The following SGSH variants were observed in gnomAD, a reference collection of about 807,000 sequenced individuals.
SGSH encodes N-sulfoglucosamine sulfohydrolase, also known as heparan sulfate sulfatase.
SGSH carries 48 observed loss-of-function variants against 51.0 expected under a neutral mutation model. The observed-to-expected ratio is 0.94, with a 90% CI of 0.75 to 1.20. The LOEUF (loss-of-function observed/expected upper bound fraction) is 1.20, where lower values mean the gene tolerates loss of function less well. SGSH is among the 50% of genes most tolerant of loss of function. The pLI is 0.00. For synonymous variants in SGSH, 321 were observed against 313.4 expected (o/e 1.02, Z -0.26); for missense variants, 662 against 717.8 (o/e 0.92, Z 0.89).
downstream of SGSH, chr17:80,209,051 G>C (rs1315026337): frequency 6.5e-6 from 1 of 153,144 alleles, no homozygotes; most frequent in South Asian, 2.1e-4. Context: ...CAGTACCCCC[G>C]TACAAGGCCC....
downstream of SGSH, chr17:80,203,990 TGGA>T (rs2041134004): frequency 2.0e-6 from 2 of 992,076 alleles, no homozygotes; most frequent in African/African-American, 1.6e-5. This position sits in a 1 kb window ranked among gnomAD's most constrained non-coding sequence, Gnocchi z 4.6. Context: ...GGCTGCTGAT[TGGA>T]GGGTAACCCC....
rs1052938582 is a variant in SGSH at position 80,220,283 on chromosome 17, G to A, written c.31C>T (p.Leu11=). The change falls in exon 1 of 8, where the codon CTG becomes TTG. Residue 11 remains leucine (L), a synonymous_variant. Transcript: ENST00000326317. The part of the protein sequence containing the change: MSCPVPACCA[L]LLVLGLCRAR... ...CGGCAGAGCCCCAGGACTAGCAGCA[G>A]CGCGCAGCAGGCGGGCACGGGGCAG... 4 of 1,519,804 alleles carry A rather than the reference G, an allele frequency of 2.6e-6. No individual in the cohort carries two copies. 94.1% of individuals were successfully genotyped at this position (1,519,804 alleles called of 1,614,324 possible).
chr17:80,214,571 G>C, intron 4 of SGSH, 44 bp downstream of exon 4: 1 of 1,591,626 alleles, frequency 6.3e-7, no homozygotes, highest in Non-Finnish European at 8.6e-7. Flanking sequence ...GCTGTGCTCT[G>C]GTACCGGCCG....
chr17:80,215,356 G>C (rs1204639069), intron 2 of SGSH, among the ~76,000 whole-genome samples: 1 of 152,372 alleles, frequency 6.6e-6, no homozygotes, highest in East Asian at 1.9e-4. Flanking sequence ...CAGAAAGAAG[G>C]GGACCTGCAG....
At chr17:80,214,543 CCCG>C in intron 4 of SGSH, 69 bp downstream of exon 4, 6 of 1,516,684 alleles carry the variant, frequency 4.0e-6, no homozygotes, top group Non-Finnish European at 5.4e-6. Flanking sequence ...GCCCATGCAT[CCCG>C]CCGGAAGACT....
At chr17:80,203,649 C>A (rs2041112319), downstream of SGSH, 7 of 546,002 alleles carry the variant, frequency 1.3e-5, no homozygotes, top group South Asian at 2.6e-5. This position sits in a 1 kb window ranked among gnomAD's most constrained non-coding sequence, Gnocchi z 4.6. Context: ...TGGAGACTGG[C>A]ATGGCCGCCA....
intron 5 of SGSH, 100 bp downstream of exon 5, chr17:80,214,072 T>A (rs1287015827): frequency 1.4e-6 from 2 of 1,475,730 alleles, no homozygotes; most frequent in South Asian, 1.2e-5. Flanking sequence ...TCAGAGCCTC[T>A]TTCTTCATCA....
chr17:80,205,314 C>T (rs929167852), downstream of SGSH: 24 of 1,187,928 alleles, frequency 2.0e-5, no homozygotes, highest in Middle Eastern at 2.1e-4. Flanking sequence ...TCCCCCACCA[C>T]GCACATTCCC....
chr17:80,203,535 C>A (rs1051534516), downstream of SGSH: 11 of 382,194 alleles, frequency 2.9e-5, no homozygotes, highest in Non-Finnish European at 5.2e-5. This position sits in a 1 kb window ranked among gnomAD's most constrained non-coding sequence, Gnocchi z 4.6. Flanking sequence ...TGGAGTGGGG[C>A]CCTGTACGCT....
At chr17:80,205,352 C>T, downstream of SGSH, 1 of 1,158,120 alleles carries the variant, frequency 8.6e-7, no homozygotes, top group Non-Finnish European at 1.2e-6. Flanking sequence ...CCAGATAGTT[C>T]AGGATGGAGG....
At chr17:80,201,449 C>T in the SGSH span, 22 of 387,494 alleles carry the variant, frequency 5.7e-5, no homozygotes, top group Admixed American at 6.1e-4. The surrounding 1 kb of genome is among the most constrained non-coding windows in gnomAD (Gnocchi z 5.0). Context: ...TCTTTCTTTT[C>T]TTTTCTTTTC....
Position 80,213,897 on chromosome 17 carries a change from G to T in SGSH, c.664-12C>A. The T allele has an allele frequency of 6.2e-7, 1 of 1,600,086 alleles. No individual in the cohort carries two copies. Among genetic ancestry groups the T allele is most frequent in the Non-Finnish European group, 8.5e-7 (1 of 1,177,086 alleles). ...ACGAAGTAAGGCACCTGGGGCAGGC[G>T]GTGGGGAGCCAGGCTTAGAACAGAC... On this transcript the variant is annotated splice_polypyrimidine_tract_variant and intron_variant, in intron 5 of 7. Transcript: ENST00000326317. This position sits in a 1 kb window ranked among gnomAD's most constrained non-coding sequence, Gnocchi z 4.6.
chr17:80,215,038 C>T lies in SGSH; in HGVS notation c.350G>A (p.Arg117His), dbSNP rs769633955. 4.2e-5 allele frequency: 68 copies of T among 1,609,514 alleles called. No homozygotes were observed. The highest frequency in any genetic ancestry group is 5.0e-5 in the Non-Finnish European group (59 of 1,179,176). Residue 117 changes from arginine (R) to histidine (H), a missense_variant, in exon 3 of 8, where the codon CGC becomes CAC. Coordinates refer to ENST00000326317, the MANE Select transcript of SGSH (RefSeq NM_000199.5). ...LPLLLSQAGV[R>H]TGIIGKKHVG... ...CCTCGGCACGGGGTCCTCACCTGTGCGCACACCAGCTTGGCTGAGCAGCAG... is the reference window on the plus strand; with the variant it reads ...CCTCGGCACGGGGTCCTCACCTGTGTGCACACCAGCTTGGCTGAGCAGCAG...
In SGSH at chr17:80,215,137, T is replaced by C. The variant is rs2144755254; in HGVS notation, c.251A>G (p.His84Arg). 6.2e-7 allele frequency: 1 copy of C among 1,610,364 alleles called. No individual in the cohort carries two copies. The highest frequency in any genetic ancestry group is 8.5e-7 in the Non-Finnish European group (1 of 1,179,594). ...GTGCAGCCCGTACATCCCATTCTGATGCTGCCAGCAAAGGCGCATGAGGTC... is the reference window on the plus strand; with the variant it reads ...GTGCAGCCCGTACATCCCATTCTGACGCTGCCAGCAAAGGCGCATGAGGTC... ...RASLLTGLPQ[H>R]QNGMYGLHQD... Residue 84 changes from histidine (H) to arginine (R), a missense_variant and splice_region_variant, in exon 3 of 8, where the codon CAT (histidine) becomes CGT (arginine). Physicochemically the swap from His to Arg is conservative, Grantham distance 29 (BLOSUM62 0). Coordinates refer to ENST00000326317, the MANE Select transcript of SGSH (RefSeq NM_000199.5).
chr17:80,209,786 A>G lies in SGSH; in HGVS notation c.*666T>C. 1 of 985,924 alleles carries G rather than the reference A, an allele frequency of 1.0e-6. No homozygotes were observed. The highest frequency in any genetic ancestry group is 1.2e-6 in the Non-Finnish European group (1 of 830,344). 61.1% of individuals were successfully genotyped at this position (985,924 alleles called of 1,614,324 possible). A position where few individuals can be genotyped will look rare whatever the true frequency, so the allele number is the denominator to read the frequency against. On this transcript the variant is annotated 3_prime_UTR_variant, in exon 8 of 8. Transcript: ENST00000326317. ...AAAAAAGATAAGCTTCTGCCCAGAA[A>G]CACCACAGGTTCAAGCTCATCACTC...
At position 80,213,555 on chromosome 17, in the gene SGSH, T is replaced by C. The variant is rs569346815; in HGVS notation, c.745+249A>G. ...GTCCTGTGACTGGAAATATCTGAAGTCTTCACGCAACCTCTGGGGCACCCG... is the reference window on the plus strand; with the variant it reads ...GTCCTGTGACTGGAAATATCTGAAGCCTTCACGCAACCTCTGGGGCACCCG... On this transcript the variant is annotated intron_variant, in intron 6 of 7. Coordinates refer to ENST00000326317, the MANE Select transcript of SGSH (RefSeq NM_000199.5). The surrounding 1 kb of genome is among the most constrained non-coding windows in gnomAD (Gnocchi z 4.6). 5.7e-5 allele frequency: 33 copies of C among 576,510 alleles called. No homozygotes were observed. The African/African-American group carries it at 6.2e-4, about 11-fold the overall frequency. The allele number at this position is 576,510 out of a possible 1,614,324, so 35.7% of individuals were successfully genotyped here. A position where few individuals can be genotyped will look rare whatever the true frequency, so the allele number is the denominator to read the frequency against.
At chr17:80,208,263 T>C (rs2144639860), downstream of SGSH, 1 of 1,592,140 alleles carries the variant, frequency 6.3e-7, no homozygotes, top group East Asian at 2.3e-5. Flanking sequence ...TGGAGCGACC[T>C]GGACGGCCTG....
At chr17:80,208,423 C>A, downstream of SGSH, 1 of 1,326,116 alleles carries the variant, frequency 7.5e-7, no homozygotes, top group Non-Finnish European at 1.0e-6. Flanking sequence ...CCCAGGCCCT[C>A]TTGGCACAGC....
Position 80,212,090 on chromosome 17 carries a change from C to T in SGSH, c.930G>A (p.Glu310=), listed in dbSNP as rs2144715838. The T allele has an allele frequency of 6.2e-7, 1 of 1,613,546 alleles. No homozygotes were observed. Among genetic ancestry groups the T allele is most frequent in the Non-Finnish European group, 8.5e-7 (1 of 1,180,004 alleles). The change falls in exon 7 of 8, where the codon GAG becomes GAA. Residue 310 remains glutamate (E), a synonymous_variant. Transcript: ENST00000326317. The surrounding 1 kb of genome is among the most constrained non-coding windows in gnomAD (Gnocchi z 5.9). The stretch of plus-strand genomic sequence containing the variant: ...GCATACCTAGGAGGCTCACGTAGGC[C>T]TCGCTGACTTGGCCCCAGCGTTTTG... The part of the protein sequence containing the change: ...EHPKRWGQVS[E]AYVSLLDLTP...
Sources: gnomAD v4.1 joint callset for allele counts (sites outside exome capture counted in the v4.1 genomes callset) on GRCh38, gnomAD v4.1.1 for gene constraint, Gnocchi (gnomAD v3.1) non-coding constraint, MANE v1.5 for transcripts, NCBI Gene and HGNC (gene_info 2026-07-23, HGNC 2026-07-21) for gene names.